PLPPR1: variants seen among roughly 807,000 people sequenced by gnomAD.
PLPPR1 encodes phospholipid phosphatase related 1, also known as phospholipid phosphatase-related protein type 1.
In PLPPR1, 10 loss-of-function variants were observed where a neutral mutation model predicts 33.1. The observed-to-expected ratio is 0.30, with a 90% CI of 0.19 to 0.51. The LOEUF is 0.51. Among genes scored for constraint, PLPPR1 ranks in the 20% least tolerant of loss-of-function variants. The pLI, the probability that PLPPR1 is intolerant of heterozygous loss-of-function variation, is 0.97. For synonymous variants in PLPPR1, 151 were observed against 151.0 expected (o/e 1.00, Z 0.00); for missense variants, 304 against 408.1 (o/e 0.74, Z 2.20).
chr9:101,290,783 C>T (rs992840846), intron 4 of PLPPR1, among the ~76,000 whole-genome samples: 5 of 152,094 alleles, frequency 3.3e-5, no homozygotes, highest in Middle Eastern at 3.2e-3. Context: ...ACTATGAATC[C>T]GATCCTTTCC....
chr9:101,108,157 C>T (rs538179493), intron 1 of PLPPR1, among the ~76,000 whole-genome samples: 1 of 152,216 alleles, frequency 6.6e-6, no homozygotes, highest in South Asian at 2.1e-4. Context: ...TCCTATTCGG[C>T]CATCTTGGCT....
In PLPPR1 at chr9:101,272,045, T is replaced by TAAAAAC. The variant is rs1554686700; in HGVS notation, c.252+1982_252+1983insCAAAAA. Reference sequence around the variant, plus strand: ...AAATACAGTTAAGAAAACATATACTTAAAAATGAAAATATAAACTTAAGAC... The same window carrying TAAAAAC: ...AAATACAGTTAAGAAAACATATACTTAAAAACAAAAATGAAAATATAAACTTAAGAC... On this transcript the variant is annotated intron_variant, in intron 3 of 7. Coordinates refer to ENST00000374874, the MANE Select transcript of PLPPR1 (RefSeq NM_207299.2). Among the ~76,000 whole-genome samples, 9 of 151,570 alleles carry TAAAAAC rather than the reference T, an allele frequency of 5.9e-5. No homozygotes were observed. In the South Asian group the frequency reaches 1.7e-3, roughly 28 times the overall value.
rs1454573387 is a variant in PLPPR1 at position 101,291,572 on chromosome 9, G to A, written c.385+5336G>A. On this transcript the variant is annotated intron_variant, in intron 4 of 7. Coordinates refer to ENST00000374874, the MANE Select transcript of PLPPR1 (RefSeq NM_207299.2). ...GGGCAGACTGACACCTCACACGGCC[G>A]GGTACTCCTCTGAGACAAAACTTCC... is the stretch of plus-strand genomic sequence containing the variant. Among the ~76,000 whole-genome samples the A allele has an allele frequency of 4.6e-5, 7 of 152,154 alleles. 1 individual carries two copies. Among genetic ancestry groups the A allele is most frequent in the South Asian group, 4.1e-4 (2 of 4,830 alleles).
intron 1 of PLPPR1, among the ~76,000 whole-genome samples, chr9:101,166,944 C>T (rs1485774277): frequency 6.6e-6 from 1 of 150,804 alleles, no homozygotes; most frequent in Admixed American, 6.6e-5. Context: ...TTCCTGTCTC[C>T]TGTGAGATTC....
chr9:101,049,179 A>T (rs1288680271), intron 1 of PLPPR1, among the ~76,000 whole-genome samples: 3 of 152,232 alleles, frequency 2.0e-5, no homozygotes, highest in African/African-American at 7.2e-5. Flanking sequence ...TTGGGACTTA[A>T]TTGGCAAATA....
At chr9:101,115,357 G>C (rs1290738888) in intron 1 of PLPPR1, among the ~76,000 whole-genome samples, 1 of 152,204 alleles carries the variant, frequency 6.6e-6, no homozygotes, top group African/African-American at 2.4e-5. Flanking sequence ...TGATAGTTGT[G>C]AGAGTGATGA....
chr9:101,070,995 G>T (rs1588015931), intron 1 of PLPPR1, among the ~76,000 whole-genome samples: 1 of 152,234 alleles, frequency 6.6e-6, no homozygotes, highest in African/African-American at 2.4e-5. Flanking sequence ...TCAGTCAAAA[G>T]CCTTTTCAGG....
chr9:101,108,802 C>T (rs768305340), intron 1 of PLPPR1, among the ~76,000 whole-genome samples: 7 of 152,048 alleles, frequency 4.6e-5, no homozygotes, highest in Non-Finnish European at 8.8e-5. Context: ...TTTCCAAGAG[C>T]TATTTTTTAT....
At chr9:101,219,150 C>G (rs1393889450) in intron 2 of PLPPR1, among the ~76,000 whole-genome samples, 1 of 152,184 alleles carries the variant, frequency 6.6e-6, no homozygotes, top group Non-Finnish European at 1.5e-5. Context: ...GCTACGGAAG[C>G]TTTCTGTTAA....
chr9:101,324,140 T>C lies in PLPPR1; in HGVS notation c.*83T>C. ...AACACACAGTTGCTCAATGTCAAAC[T>C]GTGATGACAAATATTACGTTTATCT... On this transcript the variant is annotated 3_prime_UTR_variant, in exon 8 of 8. Transcript: ENST00000374874. The C allele has an allele frequency of 8.6e-7, 1 of 1,161,826 alleles. No individual in the cohort carries two copies. The highest frequency in any genetic ancestry group is 1.3e-6 in the Non-Finnish European group (1 of 784,510). 72.0% of individuals were successfully genotyped at this position (1,161,826 alleles called of 1,614,324 possible). A position where few individuals can be genotyped will look rare whatever the true frequency, so the allele number is the denominator to read the frequency against.
chr9:101,029,766 A>T (rs942955405), intron 1 of PLPPR1, among the ~76,000 whole-genome samples: 1 of 151,848 alleles, frequency 6.6e-6, no homozygotes. Context: ...TGCCATAATC[A>T]CCTCCTAGAA....
intron 2 of PLPPR1, among the ~76,000 whole-genome samples, chr9:101,217,064 C>T (rs1234637790): frequency 6.6e-6 from 1 of 151,966 alleles, no homozygotes; most frequent in African/African-American, 2.4e-5. Context: ...AGTAGATTAG[C>T]GTATAACCCA....
intron 1 of PLPPR1, among the ~76,000 whole-genome samples, chr9:101,107,670 G>T (rs1346329366): frequency 1.1e-5 from 1 of 87,330 alleles, no homozygotes; most frequent in Non-Finnish European, 2.2e-5. Context: ...GCTGTGGTGG[G>T]CTCCACCCAG....
intron 1 of PLPPR1, among the ~76,000 whole-genome samples, chr9:101,167,141 G>GGGGTGTGT (rs1297322438): frequency 2.5e-5 from 1 of 39,648 alleles, no homozygotes; most frequent in Non-Finnish European, 5.6e-5. Context: ...TATGTCTCTC[G>GGGGTGTGT]GTGTGTGTGT....
chr9:101,129,531 A>C (rs1435896911), intron 1 of PLPPR1, among the ~76,000 whole-genome samples: 1 of 152,114 alleles, frequency 6.6e-6, no homozygotes, highest in Non-Finnish European at 1.5e-5. Context: ...CAGCAATAGC[A>C]ATAAAAAAAA....
At chr9:101,268,100 G>A (rs1207591442) in intron 2 of PLPPR1, among the ~76,000 whole-genome samples, 1 of 151,992 alleles carries the variant, frequency 6.6e-6, no homozygotes, top group African/African-American at 2.4e-5. Flanking sequence ...ACCGGGGCCT[G>A]TTGTGGGTAG....
chr9:101,309,515 C>T, intron 5 of PLPPR1, 54 bp downstream of exon 5: 1 of 1,571,214 alleles, frequency 6.4e-7, no homozygotes, highest in South Asian at 1.2e-5. Context: ...GGATGTGTGT[C>T]TCCCTGCCCT....
chr9:101,119,259 T>C (rs1044170952), intron 1 of PLPPR1, among the ~76,000 whole-genome samples: 1 of 152,226 alleles, frequency 6.6e-6, no homozygotes, highest in African/African-American at 2.4e-5. Context: ...TGCTTTCCCT[T>C]GTGTTATGGT....
Position 101,163,635 on chromosome 9 carries a change from T to A in PLPPR1, c.-45-21815T>A, listed in dbSNP as rs148693860. On this transcript the variant is annotated intron_variant, in intron 1 of 7. Transcript: ENST00000374874. The stretch of plus-strand genomic sequence containing the variant: ...ACATCCGGCTGAAGCACAGGTTGTT[T>A]AATGAACCCATCTAGATTTTACTCT... Among the ~76,000 whole-genome samples the A allele has an allele frequency of 9.5e-3, 1,442 of 152,300 alleles. 20 individuals carry two copies. Among genetic ancestry groups the A allele is most frequent in the African/African-American group, 0.027 (1,109 of 41,562 alleles).
Sources: allele counts gnomAD v4.1 joint callset (sites outside exome capture counted in the v4.1 genomes callset), GRCh38; gene constraint gnomAD v4.1.1; transcripts MANE v1.5; gene names NCBI Gene and HGNC (gene_info 2026-07-23, HGNC 2026-07-21).